Variants in RIPPLY2 observed in about 807,000 individuals in gnomAD.
RIPPLY2 encodes the protein ripply transcriptional repressor 2.
In RIPPLY2, 20 loss-of-function variants were observed where a neutral mutation model predicts 17.7. The ratio of observed to expected loss-of-function variants is 1.13; its 90% CI spans 0.79 to 1.64. The LOEUF (loss-of-function observed/expected upper bound fraction) is 1.64, where lower values mean the gene tolerates loss of function less well. RIPPLY2 is among the 40% of genes most tolerant of loss of function. The probability of loss-of-function intolerance (pLI) is 0.00; values close to 1 mark genes in which losing one functional copy is unlikely to be tolerated. For missense variants in RIPPLY2, 213 were observed against 169.8 expected, an observed-to-expected ratio of 1.25 and a Z score of -1.41; for synonymous variants, 69 against 63.9, an observed-to-expected ratio of 1.08 and a Z score of -0.38.
chr6:83,854,539 TGGAA>T, intron 3 of RIPPLY2: 1 of 216,800 alleles, frequency 4.6e-6, no homozygotes, highest in Admixed American at 5.1e-5. Context: ...TCTTGCAATC[TGGAA>T]GGAAGAATGG....
At chr6:83,854,481 TC>T in intron 3 of RIPPLY2, 1 of 355,152 alleles carries the variant, frequency 2.8e-6, no homozygotes, top group Non-Finnish European at 5.3e-6. Flanking sequence ...CCTAAAGGGT[TC>T]GAATGAAATT....
intron 1 of RIPPLY2, 53 bp from the exon 2 acceptor site, chr6:83,853,642 C>CCGGGTCTGGGCT: frequency 6.3e-7 from 1 of 1,584,906 alleles, no homozygotes; most frequent in South Asian, 1.1e-5. Context: ...GTGGATTCTC[C>CCGGGTCTGGGCT]CGGGTCTGGG....
intron 2 of RIPPLY2, 97 bp downstream of exon 2, chr6:83,853,870 C>A: frequency 8.7e-7 from 1 of 1,145,104 alleles, no homozygotes; most frequent in Non-Finnish European, 1.3e-6. Flanking sequence ...ATGCGAGACA[C>A]CGGGTCCTGC....
chr6:83,856,567 T>C (rs2099455025), intron 3 of RIPPLY2: 1 of 152,196 alleles, frequency 6.6e-6, no homozygotes. Context: ...ATAAAACATA[T>C]ATAATTTCTC....
chr6:83,857,294 G>T lies in RIPPLY2; in HGVS notation c.292G>T (p.Ala98Ser). The part of the protein sequence containing the change: ...CYDYLYQEAE[A>S]LLKNFPIQAT... ...TGATTACTTATATCAAGAAGCAGAA[G>T]CTCTTCTGAAAAATTTTCCAATTCA... Residue 98 changes from alanine (A) to serine (S), a missense_variant, in exon 4 of 4, where the codon GCT becomes TCT. Physicochemically the swap from Ala to Ser is moderately conservative, Grantham distance 99. Coordinates refer to ENST00000369689, the MANE Select transcript of RIPPLY2 (RefSeq NM_001009994.3). 1 of 1,556,098 alleles carries T rather than the reference G, an allele frequency of 6.4e-7. No individual in the cohort carries two copies.
rs2099455174 is a variant in RIPPLY2 at position 83,857,485 on chromosome 6, T to C, written c.*96T>C. 2.9e-5 allele frequency: 19 copies of C among 647,040 alleles called. 1 individual carries two copies. The South Asian group carries it at 8.1e-4, about 28-fold the overall frequency. 40.1% of individuals were successfully genotyped at this position (647,040 alleles called of 1,614,324 possible). On this transcript the variant is annotated 3_prime_UTR_variant, in exon 4 of 4. Coordinates refer to ENST00000369689, the MANE Select transcript of RIPPLY2 (RefSeq NM_001009994.3). Reference sequence around the variant, plus strand: ...TATTTTAAACTAATTTATTTGTATATAAATTATTAATAAAATGAAATATTT... The same window carrying C: ...TATTTTAAACTAATTTATTTGTATACAAATTATTAATAAAATGAAATATTT...
chr6:83,857,288 G>T lies in RIPPLY2; in HGVS notation c.286G>T (p.Ala96Ser). ...SKCYDYLYQEAEALLKNFPIQ... is the reference protein window; with the variant it reads ...SKCYDYLYQESEALLKNFPIQ... ...ATGTTATGATTACTTATATCAAGAA[G>T]CAGAAGCTCTTCTGAAAAATTTTCC... The change falls in exon 4 of 4, where the codon GCA becomes TCA. Residue 96 changes from alanine (A) to serine (S), a missense_variant. Coordinates refer to ENST00000369689, the MANE Select transcript of RIPPLY2 (RefSeq NM_001009994.3). 6.4e-7 allele frequency: 1 copy of T among 1,554,548 alleles called. No individual in the cohort carries two copies. Among genetic ancestry groups the T allele is most frequent in the Non-Finnish European group, 8.7e-7 (1 of 1,153,514 alleles).
In RIPPLY2 at chr6:83,853,971, G is replaced by T. The variant is rs913035615; in HGVS notation, c.175-126G>T. On this transcript the variant is annotated intron_variant, in intron 2 of 3. Transcript: ENST00000369689. ...AGCGATGGGCCACAGGCACCCAGCCGGGAGCGAGGCTGCTGAGAGCCCTGG... is the reference window on the plus strand; with the variant it reads ...AGCGATGGGCCACAGGCACCCAGCCTGGAGCGAGGCTGCTGAGAGCCCTGG... The T allele has an allele frequency of 5.0e-5, 54 of 1,088,104 alleles. No homozygotes were observed. The Admixed American group carries it at 9.5e-4, about 19-fold the overall frequency. The allele number at this position is 1,088,104 out of a possible 1,614,324, so 67.4% of individuals were successfully genotyped here.
intron 1 of RIPPLY2, 89 bp from the exon 2 acceptor site, chr6:83,853,606 C>T: frequency 6.4e-7 from 1 of 1,551,170 alleles, no homozygotes; most frequent in Non-Finnish European, 8.7e-7. Flanking sequence ...CCATCCCCCA[C>T]TGCCCGGTGC....
chr6:83,855,486 A>G (rs1465292288), intron 3 of RIPPLY2: 1 of 152,228 alleles, frequency 6.6e-6, no homozygotes, highest in East Asian at 1.9e-4. Flanking sequence ...AAGAAGAGGT[A>G]AAAGGCCAGA....
rs992625514 is a variant in RIPPLY2, at chr6:83,853,951, T to C, written c.175-146T>C. ...GCGGCGGATGTGTCCTCTGGAGCGA[T>C]GGGCCACAGGCACCCAGCCGGGAGC... On this transcript the variant is annotated intron_variant, in intron 2 of 3. Coordinates refer to ENST00000369689, the MANE Select transcript of RIPPLY2 (RefSeq NM_001009994.3). 6.0e-6 allele frequency: 6 copies of C among 1,007,184 alleles called. No individual in the cohort carries two copies. In the Admixed American group the frequency reaches 7.8e-5, roughly 13 times the overall value. The allele number at this position is 1,007,184 out of a possible 1,614,324, so 62.4% of individuals were successfully genotyped here.
Position 83,857,372 on chromosome 6 carries a change from C to G in RIPPLY2, c.370C>G (p.Leu124Val), listed in dbSNP as rs780274589. ...DSDSEDEIED[L>V]TCEN is the part of the protein sequence containing the mutation. Reference sequence around the variant, plus strand: ...TGATAGCGAAGATGAAATTGAGGATCTGACCTGTGAAAATTAATCTGATTA... The same window carrying G: ...TGATAGCGAAGATGAAATTGAGGATGTGACCTGTGAAAATTAATCTGATTA... Residue 124 changes from leucine (L) to valine (V), a missense_variant, in exon 4 of 4, where the codon CTG becomes GTG. Coordinates refer to ENST00000369689, the MANE Select transcript of RIPPLY2 (RefSeq NM_001009994.3). 6.3e-7 allele frequency: 1 copy of G among 1,576,906 alleles called. No individual in the cohort carries two copies. Among genetic ancestry groups the G allele is most frequent in the Non-Finnish European group, 8.6e-7 (1 of 1,168,178 alleles).
intron 1 of RIPPLY2, 83 bp downstream of exon 1, chr6:83,853,594 C>G (rs1221248104): frequency 4.5e-6 from 7 of 1,542,934 alleles, no homozygotes; most frequent in Non-Finnish European, 6.1e-6. Context: ...CCCTCCAACT[C>G]TCCATCCCCC....
chr6:83,853,844 AG>A, intron 2 of RIPPLY2, 71 bp downstream of exon 2: 1 of 1,346,978 alleles, frequency 7.4e-7, no homozygotes, highest in Non-Finnish European at 1.0e-6. Flanking sequence ...CTCGGGACGC[AG>A]GGCCTGAGAG....
rs367809751 is a variant in RIPPLY2, at chr6:83,857,384, A to T, written c.382A>T (p.Asn128Tyr). ...TGAAATTGAGGATCTGACCTGTGAA[A>T]ATTAATCTGATTAGCTACTTTTGAT... ...EDEIEDLTCE[N>Y] Residue 128 changes from asparagine to tyrosine, a missense_variant, in exon 4 of 4, where the codon AAT (asparagine) becomes TAT (tyrosine). Asn to Tyr is a moderately radical substitution (Grantham distance 143, BLOSUM62 -2). Coordinates refer to ENST00000369689, the MANE Select transcript of RIPPLY2 (RefSeq NM_001009994.3). 8 of 1,570,910 alleles carry T rather than the reference A, an allele frequency of 5.1e-6. No individual in the cohort carries two copies. In the African/African-American group the frequency reaches 1.1e-4, roughly 22 times the overall value.
chr6:83,853,496 C>A lies in RIPPLY2; in HGVS notation c.80C>A (p.Ala27Glu). 3 of 1,538,644 alleles carry A rather than the reference C, an allele frequency of 1.9e-6. No homozygotes were observed. Among genetic ancestry groups the A allele is most frequent in the Non-Finnish European group, 2.6e-6 (3 of 1,145,328 alleles). The change falls in exon 1 of 4, where the codon GCG becomes GAG. Residue 27 changes from alanine (A) to glutamate (E), a missense_variant. Transcript: ENST00000369689. ...CAATDGPTRR[A>E]GADSGYAGFW... The stretch of plus-strand genomic sequence containing the variant: ...GCCACCGACGGCCCTACGCGGCGCG[C>A]GGGCGCGGACTCCGGGTAGGCTTCC...
Position 83,853,497 on chromosome 6 carries a change from G to C in RIPPLY2, c.81G>C (p.Ala27=). The C allele has an allele frequency of 1.3e-6, 2 of 1,538,784 alleles. No individual in the cohort carries two copies. Among genetic ancestry groups the C allele is most frequent in the East Asian group, 4.9e-5 (2 of 40,790 alleles). Residue 27 remains alanine, a synonymous_variant, in exon 1 of 4, where the codon GCG becomes GCC. Coordinates refer to ENST00000369689, the MANE Select transcript of RIPPLY2 (RefSeq NM_001009994.3). ...CCACCGACGGCCCTACGCGGCGCGC[G>C]GGCGCGGACTCCGGGTAGGCTTCCC... ...CAATDGPTRR[A]GADSGYAGFW...
rs890776716 is a variant in RIPPLY2, at chr6:83,854,020, G to A, written c.175-77G>A. The A allele has an allele frequency of 2.4e-5, 33 of 1,377,538 alleles. No individual in the cohort carries two copies. In the Admixed American group the frequency reaches 4.5e-4, roughly 19 times the overall value. The allele number at this position is 1,377,538 out of a possible 1,614,324, so 85.3% of individuals were successfully genotyped here. On this transcript the variant is annotated intron_variant, in intron 2 of 3. Coordinates refer to ENST00000369689, the MANE Select transcript of RIPPLY2 (RefSeq NM_001009994.3). ...GGGGTTACATTCCCAGCGGGCACGAGGAACACTGGGTCGTGCACGTTTCCA... is the reference window on the plus strand; with the variant it reads ...GGGGTTACATTCCCAGCGGGCACGAAGAACACTGGGTCGTGCACGTTTCCA...
In RIPPLY2 at chr6:83,854,305, C is replaced by T. The variant is rs2099454661; in HGVS notation, c.239+144C>T. 4.4e-6 allele frequency: 3 copies of T among 683,822 alleles called. No individual in the cohort carries two copies. The Admixed American group carries it at 7.0e-5, about 16-fold the overall frequency. The allele number at this position is 683,822 out of a possible 1,614,324, so 42.4% of individuals were successfully genotyped here. Reference sequence around the variant, plus strand: ...CTGGCTTCAAGGTTACTTATCTTCTCACTCATCAAATTGAAAAAGGTAGGG... The same window carrying T: ...CTGGCTTCAAGGTTACTTATCTTCTTACTCATCAAATTGAAAAAGGTAGGG... On this transcript the variant is annotated intron_variant, in intron 3 of 3. Transcript: ENST00000369689.
Sources: allele counts gnomAD v4.1 joint callset, GRCh38; gene constraint gnomAD v4.1.1; transcripts MANE v1.5; gene names NCBI Gene and HGNC (gene_info 2026-07-23, HGNC 2026-07-21).